NOVA1: variants seen among roughly 807,000 people sequenced by gnomAD.
NOVA1 encodes the protein NOVA alternative splicing regulator 1.
NOVA1 carries 7 observed loss-of-function variants against 38.0 expected under a neutral mutation model. The observed-to-expected ratio is 0.18, with a 90% CI of 0.10 to 0.35. NOVA1 has a LOEUF of 0.35. Among genes scored for constraint, NOVA1 ranks in the 10% least tolerant of loss-of-function variants. NOVA1 has a pLI of 1.00. For missense variants in NOVA1, 460 were observed against 616.0 expected, an observed-to-expected ratio of 0.75 and a Z score of 2.68; for synonymous variants, 270 against 232.5, an observed-to-expected ratio of 1.16 and a Z score of -1.47.
chr14:26,459,557 TAAATGACAGAA>T (rs1466435911), intron 4 of NOVA1, among the ~76,000 whole-genome samples: 1 of 152,124 alleles, frequency 6.6e-6, no homozygotes, highest in Non-Finnish European at 1.5e-5. Flanking sequence ...AGTGAGTTGA[TAAATGACAGAA>T]AAGAACATTT....
At chr14:26,540,682 G>A (rs1890409499) in intron 2 of NOVA1, among the ~76,000 whole-genome samples, 1 of 152,138 alleles carries the variant, frequency 6.6e-6, no homozygotes, top group Non-Finnish European at 1.5e-5. Flanking sequence ...ACTAATAAGA[G>A]TATCATCAAG....
At chr14:26,526,030 T>C (rs960396015) in intron 2 of NOVA1, among the ~76,000 whole-genome samples, 12 of 152,104 alleles carry the variant, frequency 7.9e-5, no homozygotes, top group Non-Finnish European at 1.6e-4. Context: ...TATTATATAA[T>C]TTTTACTTTC....
intron 2 of NOVA1, among the ~76,000 whole-genome samples, chr14:26,488,476 AC>A (rs1163132650): frequency 2.6e-5 from 4 of 152,146 alleles, no homozygotes; most frequent in Non-Finnish European, 2.9e-5. Context: ...CTTCTGAAGA[AC>A]CCTGAAAACA....
At chr14:26,579,203 G>A (rs866190266) in intron 2 of NOVA1, among the ~76,000 whole-genome samples, 11 of 151,628 alleles carry the variant, frequency 7.3e-5, no homozygotes, top group Non-Finnish European at 1.2e-4. Flanking sequence ...GACTACAGGC[G>A]CGCGCCATCA....
intron 2 of NOVA1, chr14:26,593,269 C>A (rs930664304): frequency 4.0e-5 from 6 of 151,736 alleles, no homozygotes; most frequent in Admixed American, 3.9e-4. Flanking sequence ...GAAAAGCGCT[C>A]AGAGGCTATG....
At chr14:26,490,458 C>G (rs1209130863) in intron 2 of NOVA1, among the ~76,000 whole-genome samples, 1 of 151,872 alleles carries the variant, frequency 6.6e-6, no homozygotes, top group Non-Finnish European at 1.5e-5. Context: ...ACATCCCCAA[C>G]AACAGTGTAA....
intron 2 of NOVA1, among the ~76,000 whole-genome samples, chr14:26,544,663 C>A (rs1890678261): frequency 6.6e-6 from 1 of 150,458 alleles, no homozygotes; most frequent in African/African-American, 2.5e-5. Context: ...TTTAAAATGC[C>A]AGAGTGAGAA....
At chr14:26,581,554 G>C (rs952620087) in intron 2 of NOVA1, among the ~76,000 whole-genome samples, 17 of 151,820 alleles carry the variant, frequency 1.1e-4, no homozygotes, top group African/African-American at 3.9e-4. Context: ...AGATATCAAG[G>C]TTCTATATAT....
intron 2 of NOVA1, among the ~76,000 whole-genome samples, chr14:26,490,846 T>TG (rs1254469791): frequency 1.4e-5 from 2 of 138,448 alleles, no homozygotes; most frequent in African/African-American, 5.4e-5. Flanking sequence ...TGGCTAGTTT[T>TG]TTTTTTTTTT....
At chr14:26,595,038 T>C (rs1437495914) in intron 2 of NOVA1, among the ~76,000 whole-genome samples, 2 of 152,134 alleles carry the variant, frequency 1.3e-5, no homozygotes, top group Admixed American at 6.5e-5. Context: ...CCCCCTCTTC[T>C]GAATTCACTC....
intron 2 of NOVA1, among the ~76,000 whole-genome samples, chr14:26,529,688 T>C (rs1555326224): frequency 6.6e-6 from 1 of 152,060 alleles, no homozygotes; most frequent in Non-Finnish European, 1.5e-5. Flanking sequence ...AGGTATGAAG[T>C]TTTTGCCTCA....
intron 2 of NOVA1, chr14:26,593,046 T>G (rs1430927102): frequency 6.6e-6 from 1 of 151,840 alleles, no homozygotes; most frequent in African/African-American, 2.4e-5. Context: ...TAGGCATATT[T>G]GTTCCAGTAG....
intron 3 of NOVA1, among the ~76,000 whole-genome samples, chr14:26,475,489 A>G (rs1001546285): frequency 1.3e-5 from 2 of 152,218 alleles, no homozygotes; most frequent in African/African-American, 4.8e-5. Context: ...ATACTGATAT[A>G]TTAGTTAGAA....
chr14:26,481,560 C>A (rs1885450876), intron 2 of NOVA1, among the ~76,000 whole-genome samples: 1 of 151,950 alleles, frequency 6.6e-6, no homozygotes, highest in South Asian at 2.1e-4. Context: ...ATATTTTAAA[C>A]AATGAAAATT....
At chr14:26,538,139 A>G (rs1024210198) in intron 2 of NOVA1, among the ~76,000 whole-genome samples, 4 of 152,184 alleles carry the variant, frequency 2.6e-5, no homozygotes, top group Non-Finnish European at 4.4e-5. Flanking sequence ...CAGGAAATTA[A>G]TAAGGCCTTT....
At chr14:26,596,710 C>A in intron 1 of NOVA1, 1 of 1,286,214 alleles carries the variant, frequency 7.8e-7, no homozygotes, top group Non-Finnish European at 1.0e-6. Flanking sequence ...CACCCCCACC[C>A]TCGTATGCAC....
chr14:26,529,292 C>T (rs982550963), intron 2 of NOVA1, among the ~76,000 whole-genome samples: 1 of 152,106 alleles, frequency 6.6e-6, no homozygotes, highest in African/African-American at 2.4e-5. Context: ...CGCCCACCAC[C>T]ATGCCCAGCT....
chr14:26,581,363 A>G (rs1893211737), intron 2 of NOVA1, among the ~76,000 whole-genome samples: 1 of 152,076 alleles, frequency 6.6e-6, no homozygotes, highest in South Asian at 2.1e-4. Flanking sequence ...TAAATCTATA[A>G]TTCAACAAAT....
intron 2 of NOVA1, among the ~76,000 whole-genome samples, chr14:26,584,584 C>A (rs1893409208): frequency 1.3e-5 from 2 of 151,296 alleles, no homozygotes; most frequent in Non-Finnish European, 3.0e-5. Context: ...CTCCTACCAC[C>A]ACTGACCCCC....
Sources: allele counts gnomAD v4.1 joint callset (sites outside exome capture counted in the v4.1 genomes callset), GRCh38; gene constraint gnomAD v4.1.1; transcripts MANE v1.5; gene names NCBI Gene and HGNC (gene_info 2026-07-23, HGNC 2026-07-21).